DCDC1: variants seen among roughly 807,000 people sequenced by gnomAD.
DCDC1 encodes the protein doublecortin domain containing 1, also known as doublecortin domain-containing protein 1.
In DCDC1, 200 loss-of-function variants were observed where a neutral mutation model predicts 178.3. That is an observed-to-expected ratio of 1.12 (90% CI 1.00 to 1.26). The LOEUF (loss-of-function observed/expected upper bound fraction) is 1.26, where lower values mean the gene tolerates loss of function less well. Among genes scored for constraint, DCDC1 ranks in the 50% most tolerant of loss-of-function variants. DCDC1 has a pLI of 0.00. For missense variants in DCDC1, 1,983 were observed against 1,749.2 expected (o/e 1.13, Z -2.38); for synonymous variants, 690 against 604.8 (o/e 1.14, Z -2.07).
rs557935231 is a variant in DCDC1 at position 31,331,920 on chromosome 11, T to C, written c.-7+3527A>G. ...AAATGAGTTAGGGATGATTCCCTCTTTTTCTATTGATTGGAATAGTTTCAG... is the reference window on the plus strand; with the variant it reads ...AAATGAGTTAGGGATGATTCCCTCTCTTTCTATTGATTGGAATAGTTTCAG... On this transcript the variant is annotated intron_variant, in intron 2 of 38. Transcript: ENST00000684477. Among the ~76,000 whole-genome samples the C allele has an allele frequency of 1.7e-3, 256 of 152,314 alleles. 4 individuals are homozygous for C. Among genetic ancestry groups the C allele is most frequent in the Non-Finnish European group, 6.2e-4 (42 of 68,026 alleles).
At chr11:31,226,262 T>C (rs1261598812) in intron 9 of DCDC1, among the ~76,000 whole-genome samples, 2 of 150,936 alleles carry the variant, frequency 1.3e-5, no homozygotes, top group African/African-American at 4.9e-5. Flanking sequence ...CAAAATAAAG[T>C]ACCCAGAAAA....
At chr11:31,192,961 G>A (rs1193628840) in intron 9 of DCDC1, among the ~76,000 whole-genome samples, 1 of 152,054 alleles carries the variant, frequency 6.6e-6, no homozygotes, top group Non-Finnish European at 1.5e-5. Flanking sequence ...TCTCTCTTCT[G>A]GAGCTGGGAC....
intron 15 of DCDC1, 106 bp from the exon 16 acceptor site, chr11:31,094,290 T>G (rs576287495): frequency 6.0e-5 from 39 of 654,956 alleles, no homozygotes; most frequent in South Asian, 4.3e-4. Context: ...TTATTCTGAT[T>G]GATACCTCTT....
chr11:31,070,529 C>T (rs967162190), intron 18 of DCDC1, among the ~76,000 whole-genome samples: 5 of 152,194 alleles, frequency 3.3e-5, no homozygotes, highest in African/African-American at 1.2e-4. Context: ...TCAAATAGCA[C>T]ATACTGGTTA....
intron 20 of DCDC1, among the ~76,000 whole-genome samples, chr11:31,010,256 C>T (rs1952093998): frequency 6.6e-6 from 1 of 152,226 alleles, no homozygotes; most frequent in South Asian, 2.1e-4. Context: ...TTTCACAAGG[C>T]AGCAATCAAG....
intron 20 of DCDC1, among the ~76,000 whole-genome samples, chr11:31,057,688 G>A (rs1275113759): frequency 6.6e-6 from 1 of 151,986 alleles, no homozygotes; most frequent in Non-Finnish European, 1.5e-5. Context: ...AAACTAGCAT[G>A]GGCCAAGTAC....
At chr11:31,191,214 T>C (rs2136350389) in intron 9 of DCDC1, among the ~76,000 whole-genome samples, 1 of 152,212 alleles carries the variant, frequency 6.6e-6, no homozygotes, top group Admixed American at 6.5e-5. Context: ...ATTTTTTTTC[T>C]AACAATTTTT....
At chr11:30,958,459 C>T (rs943175613) in intron 20 of DCDC1, among the ~76,000 whole-genome samples, 1 of 152,114 alleles carries the variant, frequency 6.6e-6, no homozygotes, top group African/African-American at 2.4e-5. Context: ...TAGTGAACCA[C>T]AAGATTCACC....
At chr11:30,943,205 T>G (rs1279782225) in intron 21 of DCDC1, 2 of 152,230 alleles carry the variant, frequency 1.3e-5, no homozygotes, top group African/African-American at 4.8e-5. Context: ...TTTTTTTATC[T>G]CTCTCTCATA....
At chr11:30,878,799 AC>A in intron 37 of DCDC1, 88 bp from the exon 38 acceptor site, 4 of 1,290,252 alleles carry the variant, frequency 3.1e-6, no homozygotes, top group Non-Finnish European at 4.1e-6. Flanking sequence ...AAACTTGAAG[AC>A]CCCTCACAAA....
intron 20 of DCDC1, among the ~76,000 whole-genome samples, chr11:30,970,085 A>G (rs1246802001): frequency 1.3e-5 from 2 of 152,214 alleles, no homozygotes; most frequent in Non-Finnish European, 2.9e-5. Flanking sequence ...ATAGAATGGG[A>G]ATCTGGAGAG....
At chr11:31,101,464 G>A (rs1958498554) in intron 15 of DCDC1, among the ~76,000 whole-genome samples, 1 of 152,168 alleles carries the variant, frequency 6.6e-6, no homozygotes, top group East Asian at 1.9e-4. Flanking sequence ...GTTTCCTAAA[G>A]AACTTGTGTT....
At chr11:30,885,470 A>G (rs1943080978) in intron 36 of DCDC1, among the ~76,000 whole-genome samples, 1 of 152,058 alleles carries the variant, frequency 6.6e-6, no homozygotes, top group Non-Finnish European at 1.5e-5. Flanking sequence ...TAATACCCTT[A>G]CTACTTAATA....
chr11:31,122,627 G>C (rs949744512), intron 11 of DCDC1, among the ~76,000 whole-genome samples: 1 of 152,142 alleles, frequency 6.6e-6, no homozygotes, highest in African/African-American at 2.4e-5. Context: ...GCCAAGTCTT[G>C]TATCCACATC....
chr11:30,924,421 C>T (rs911295881), intron 23 of DCDC1, among the ~76,000 whole-genome samples: 5 of 152,062 alleles, frequency 3.3e-5, no homozygotes, highest in African/African-American at 1.2e-4. Flanking sequence ...AAGCTTTGTT[C>T]TCTGTTCAAA....
chr11:30,900,196 T>C, intron 33 of DCDC1, 150 bp downstream of exon 33: 2 of 725,452 alleles, frequency 2.8e-6, no homozygotes, highest in African/African-American at 1.8e-5. Context: ...TGTGCACATA[T>C]TAGTTGATGA....
intron 28 of DCDC1, 29 bp from the exon 29 acceptor site, chr11:30,909,145 A>G (rs759103106): frequency 1.3e-6 from 2 of 1,588,620 alleles, no homozygotes; most frequent in South Asian, 1.1e-5. Flanking sequence ...TATGGAGTCA[A>G]GTGAGTTCAT....
intron 8 of DCDC1, among the ~76,000 whole-genome samples, chr11:31,260,848 C>A (rs193009937): frequency 2.6e-5 from 4 of 152,172 alleles, no homozygotes; most frequent in African/African-American, 9.7e-5. Flanking sequence ...CTGTCTACAT[C>A]TGTCTTCCAT....
intron 27 of DCDC1, among the ~76,000 whole-genome samples, chr11:30,915,302 T>C (rs1357901648): frequency 6.6e-6 from 1 of 152,214 alleles, no homozygotes; most frequent in African/African-American, 2.4e-5. Flanking sequence ...TGAATCTGAT[T>C]GTGGATAAAT....
Sources: allele counts gnomAD v4.1 joint callset (sites outside exome capture counted in the v4.1 genomes callset), GRCh38; gene constraint gnomAD v4.1.1; transcripts MANE v1.5; gene names NCBI Gene and HGNC (gene_info 2026-07-23, HGNC 2026-07-21).